HPS4: variants seen among roughly 807,000 people sequenced by gnomAD.
The protein encoded by HPS4 is BLOC-3 complex member HPS4.
A neutral mutation model predicts 70.3 loss-of-function variants in HPS4; 44 were observed. That is an observed-to-expected ratio of 0.63 (90% CI 0.49 to 0.80). The LOEUF is 0.80. Ranked by LOEUF, HPS4 falls within the 30% of genes least tolerant of loss-of-function variation. HPS4 has a pLI of 0.00. For synonymous variants in HPS4, 377 were observed against 355.9 expected (o/e 1.06, Z -0.67); for missense variants, 873 against 884.4 (o/e 0.99, Z 0.16).
chr22:26,480,432 A>G (rs2091162440), intron 2 of HPS4, among the ~76,000 whole-genome samples: 1 of 152,070 alleles, frequency 6.6e-6, no homozygotes, highest in Admixed American at 6.5e-5. Flanking sequence ...TGGCCTCCCA[A>G]AGTGCTGGAA....
intron 2 of HPS4, among the ~76,000 whole-genome samples, chr22:26,480,833 A>G (rs2091208793): frequency 6.6e-6 from 1 of 152,122 alleles, no homozygotes; most frequent in African/African-American, 2.4e-5. Flanking sequence ...TAGGAGGATC[A>G]CTTGAGCCTG....
At chr22:26,471,083 T>C in intron 6 of HPS4, 1 of 566,252 alleles carries the variant, frequency 1.8e-6, no homozygotes, top group Non-Finnish European at 3.2e-6. Context: ...CATATGGCTA[T>C]TCAAAGGGGT....
chr22:26,464,001 G>A lies in HPS4; in HGVS notation c.1629C>T (p.Leu543=). Residue 543 remains leucine (L), a synonymous_variant, in exon 11 of 14, where the codon CTC becomes CTT. Transcript: ENST00000398145. ...CCAGCCCTTTGACGCAGTGAGTGTA[G>A]AGATTCATCCTCACGAGCCCCATGC... The part of the protein sequence containing the change: ...ESCMGLVRMN[L]YTHCVKGLVL... 1 of 1,614,250 alleles carries A rather than the reference G, an allele frequency of 6.2e-7. No homozygotes were observed. Among genetic ancestry groups the A allele is most frequent in the Non-Finnish European group, 8.5e-7 (1 of 1,180,046 alleles).
chr22:26,468,651 AC>A, intron 7 of HPS4, 28 bp from the exon 8 acceptor site: 2 of 1,601,370 alleles, frequency 1.2e-6, no homozygotes, highest in Non-Finnish European at 1.7e-6. Flanking sequence ...GAACAAGAAC[AC>A]CATGAGACGA....
Position 26,452,117 on chromosome 22 carries a change from T to A in HPS4, c.*1116A>T, listed in dbSNP as rs1265947070. On this transcript the variant is annotated 3_prime_UTR_variant, in exon 14 of 14. Transcript: ENST00000398145. The stretch of plus-strand genomic sequence containing the variant: ...TCAGAACTCCAGCATTTTTTGGCTA[T>A]TTTATTTCTAGCCCTTGGAAGCTTG... 1 of 343,554 alleles carries A rather than the reference T, an allele frequency of 2.9e-6. No homozygotes were observed. The highest frequency in any genetic ancestry group is 5.7e-6 in the Non-Finnish European group (1 of 176,046). The allele number at this position is 343,554 out of a possible 1,614,324, so 21.3% of individuals were successfully genotyped here.
At chr22:26,469,146 A>G (rs2089296601) in intron 7 of HPS4, among the ~76,000 whole-genome samples, 1 of 152,138 alleles carries the variant, frequency 6.6e-6, no homozygotes, top group South Asian at 2.1e-4. Context: ...TGGTGAGGAC[A>G]GGTTAAGAGT....
chr22:26,453,894 T>C, intron 13 of HPS4: 1 of 210,004 alleles, frequency 4.8e-6, no homozygotes, highest in Non-Finnish European at 9.8e-6. Flanking sequence ...TCTAGTCTGC[T>C]CTCCACACTG....
At position 26,451,399 on chromosome 22, in the gene HPS4, T is replaced by C. The variant is rs2085173694; in HGVS notation, c.*1834A>G. ...TAGAGATGACGGCTGCAGCTGCCAG[T>C]GCCCTGGGGCTCTGAGCAGAACCTC... On this transcript the variant is annotated 3_prime_UTR_variant, in exon 14 of 14. Transcript: ENST00000398145. 6.6e-6 allele frequency: 1 copy of C among 152,220 alleles called. No individual in the cohort carries two copies. The highest frequency in any genetic ancestry group is 2.1e-4 in the South Asian group (1 of 4,828). 9.4% of individuals were successfully genotyped at this position (152,220 alleles called of 1,614,324 possible). A position where few individuals can be genotyped will look rare whatever the true frequency, so the allele number is the denominator to read the frequency against.
chr22:26,468,554 C>T lies in HPS4; in HGVS notation c.666G>A (p.Glu222=). 1 of 1,613,814 alleles carries T rather than the reference C, an allele frequency of 6.2e-7. No individual in the cohort carries two copies. The highest frequency in any genetic ancestry group is 8.5e-7 in the Non-Finnish European group (1 of 1,179,850). The change falls in exon 8 of 14, where the codon GAG becomes GAA. Residue 222 remains glutamate, a synonymous_variant. Transcript: ENST00000398145. ...KVLLHRTAPQ[E]QRLPTGEDAP... ...AGGTGGGTGGACTTTACAATACCTG[C>T]TCCTGAGGTGCTGTTCGGTGAAGCA...
chr22:26,469,703 A>G (rs2089449769), intron 7 of HPS4, among the ~76,000 whole-genome samples: 1 of 46,694 alleles, frequency 2.1e-5, no homozygotes, highest in African/African-American at 4.9e-5. Context: ...AAAAAAAAAG[A>G]AAAAAAAATA....
At position 26,464,062 on chromosome 22, in the gene HPS4, T is replaced by C. The variant is rs1428669082; in HGVS notation, c.1568A>G (p.Asp523Gly). 1.9e-6 allele frequency: 3 copies of C among 1,614,248 alleles called. No homozygotes were observed. Among genetic ancestry groups the C allele is most frequent in the South Asian group, 1.1e-5 (1 of 91,088 alleles). ...TGGTGTCAGCCTGGAGCTGATTCCA[T>C]CTGCAGAGGGGCCAGCACCCTGACA... Reference protein sequence around the residue: ...ANCQGAGPSADGISSRLTPAE... With the variant: ...ANCQGAGPSAGGISSRLTPAE... The change falls in exon 11 of 14, where the codon GAT becomes GGT. Residue 523 changes from aspartate to glycine, a missense_variant. Asp to Gly is a moderately conservative substitution (Grantham distance 94). Transcript: ENST00000398145.
In HPS4 at chr22:26,452,004, GCACACACACA is replaced by G. The variant is rs134978; in HGVS notation, c.*1219_*1228del. On this transcript the variant is annotated 3_prime_UTR_variant, in exon 14 of 14. Transcript: ENST00000398145. Reference sequence around the variant, plus strand: ...CCACGTTACGCGCGCGCGCGCGCGCGCACACACACACACACACACACACACACACACACAC... The same window carrying G: ...CCACGTTACGCGCGCGCGCGCGCGCGCACACACACACACACACACACACAC... 5.3e-4 allele frequency: 56 copies of G among 106,200 alleles called. No homozygotes were observed. Among genetic ancestry groups the G allele is most frequent in the African/African-American group, 1.6e-3 (36 of 22,028 alleles). The allele number at this position is 106,200 out of a possible 1,614,324, so 6.6% of individuals were successfully genotyped here. A position where few individuals can be genotyped will look rare whatever the true frequency, so the allele number is the denominator to read the frequency against.
At chr22:26,475,043 A>C (rs2090341932) in intron 4 of HPS4, among the ~76,000 whole-genome samples, 1 of 152,166 alleles carries the variant, frequency 6.6e-6, no homozygotes, top group South Asian at 2.1e-4. Flanking sequence ...TCCAACATAC[A>C]CCTACTCTAT....
Position 26,452,000 on chromosome 22 carries a change from GCGCGCACACACACACACA to G in HPS4, c.*1215_*1232del, listed in dbSNP as rs1338806184. ...GCGCCCACGTTACGCGCGCGCGCGC[GCGCGCACACACACACACA>G]CACACACACACACACACACACACAC... On this transcript the variant is annotated 3_prime_UTR_variant, in exon 14 of 14. Transcript: ENST00000398145. 69 of 72,544 alleles carry G rather than the reference GCGCGCACACACACACACA, an allele frequency of 9.5e-4. No homozygotes were observed. The highest frequency in any genetic ancestry group is 4.8e-3 in the African/African-American group (54 of 11,358). 4.5% of individuals were successfully genotyped at this position (72,544 alleles called of 1,614,324 possible). A position where few individuals can be genotyped will look rare whatever the true frequency, so the allele number is the denominator to read the frequency against.
In HPS4 at chr22:26,481,706, A is replaced by C. The variant is rs749906338; in HGVS notation, c.41+16T>G. ...AGCCCAGCAAAAGCTATGCCATGGC[A>C]GGCCTTGTTACTCACCACGAGGCTG... On this transcript the variant is annotated intron_variant, in intron 2 of 13. Transcript: ENST00000398145. The C allele has an allele frequency of 5.0e-6, 8 of 1,613,224 alleles. No individual in the cohort carries two copies. The highest frequency in any genetic ancestry group is 1.1e-5 in the South Asian group (1 of 91,070).
chr22:26,458,707 A>T, intron 11 of HPS4, 130 bp from the exon 12 acceptor site: 1 of 1,116,220 alleles, frequency 9.0e-7, no homozygotes, highest in Non-Finnish European at 1.3e-6. Flanking sequence ...CTGTAATCCC[A>T]GTGCTTTGTG....
rs775175615 is a variant in HPS4, at chr22:26,479,255, T to A, written c.132+10A>T. ...ATCCTCACTGAACAATAAAATGCTG[T>A]GTGGCTTACCTGGGAAGGATAAAAG... is the stretch of plus-strand genomic sequence containing the variant. On this transcript the variant is annotated intron_variant, in intron 3 of 13. Coordinates refer to ENST00000398145, the MANE Select transcript of HPS4 (RefSeq NM_022081.6). 5 of 1,614,148 alleles carry A rather than the reference T, an allele frequency of 3.1e-6. No homozygotes were observed. Among genetic ancestry groups the A allele is most frequent in the Admixed American group, 1.7e-5 (1 of 60,026 alleles).
intron 3 of HPS4, among the ~76,000 whole-genome samples, chr22:26,478,245 G>C (rs1569124594): frequency 6.6e-6 from 1 of 152,026 alleles, no homozygotes; most frequent in Non-Finnish European, 1.5e-5. Flanking sequence ...AAAAAAAAGA[G>C]AGAGAAGAAG....
chr22:26,472,993 C>CCCTGGATG, intron 4 of HPS4, 54 bp from the exon 5 acceptor site: 1 of 1,519,210 alleles, frequency 6.6e-7, no homozygotes, highest in Non-Finnish European at 9.1e-7. Context: ...TGAGTCCAAG[C>CCCTGGATG]CCAGAATCCT....
Sources: allele counts gnomAD v4.1 joint callset (sites outside exome capture counted in the v4.1 genomes callset), GRCh38; gene constraint gnomAD v4.1.1; transcripts MANE v1.5; gene names NCBI Gene and HGNC (gene_info 2026-07-23, HGNC 2026-07-21).